PCED1B: variants seen among roughly 807,000 people sequenced by gnomAD.
PCED1B encodes the protein PC-esterase domain-containing protein 1B.
For synonymous variants in PCED1B, 251 were observed against 246.1 expected, an observed-to-expected ratio of 1.02 and a Z score of -0.19; for missense variants, 573 against 573.9, an observed-to-expected ratio of 1.00 and a Z score of 0.02.
intron 2 of PCED1B, among the ~76,000 whole-genome samples, chr12:47,181,754 T>C (rs1460827106): frequency 3.9e-5 from 6 of 152,032 alleles, no homozygotes; most frequent in African/African-American, 1.2e-4. Flanking sequence ...TCAGTCTAAT[T>C]TATCTCCTCT....
rs566058091 is a variant in PCED1B at position 47,189,096 on chromosome 12, T to G, written c.-525-27126T>G. Among the ~76,000 whole-genome samples the G allele has an allele frequency of 5.9e-5, 9 of 152,324 alleles. No individual in the cohort carries two copies. In the South Asian group the frequency reaches 1.9e-3, roughly 32 times the overall value. Reference sequence around the variant, plus strand: ...TTGCTGTTCTTTTTCATTTCCTCTATCTTACATTTTGATTGTTTTTTATCT... The same window carrying G: ...TTGCTGTTCTTTTTCATTTCCTCTAGCTTACATTTTGATTGTTTTTTATCT... On this transcript the variant is annotated intron_variant, in intron 2 of 3. Coordinates refer to ENST00000546455, the MANE Select transcript of PCED1B (RefSeq NM_138371.3).
intron 2 of PCED1B, among the ~76,000 whole-genome samples, chr12:47,154,321 A>G (rs889076551): frequency 2.6e-5 from 4 of 152,186 alleles, no homozygotes; most frequent in African/African-American, 9.7e-5. Flanking sequence ...GAGCACTACG[A>G]AAACACTCAT....
intron 2 of PCED1B, among the ~76,000 whole-genome samples, chr12:47,137,890 C>A (rs1940447628): frequency 6.6e-6 from 1 of 152,022 alleles, no homozygotes; most frequent in African/African-American, 2.4e-5. Context: ...AGGTGTGAGC[C>A]ATTTTAGGGA....
At position 47,117,333 on chromosome 12, in the gene PCED1B, G is replaced by C. The variant is rs1175522043; in HGVS notation, c.-526+13138G>C. 2.0e-5 allele frequency among the ~76,000 whole-genome samples: 3 copies of C among 152,096 alleles called. No homozygotes were observed. In the East Asian group the frequency reaches 5.8e-4, roughly 29 times the overall value. On this transcript the variant is annotated intron_variant, in intron 2 of 3. Coordinates refer to ENST00000546455, the MANE Select transcript of PCED1B (RefSeq NM_138371.3). ...ATTTACATTAGGTGTATCTCCTAAT[G>C]CTATCCCTCCCCCCTACCTCCACCC...
At position 47,166,871 on chromosome 12, in the gene PCED1B, A is replaced by G. The variant is rs1230946443; in HGVS notation, c.-525-49351A>G. Among the ~76,000 whole-genome samples the G allele has an allele frequency of 2.0e-5, 3 of 152,232 alleles. No homozygotes were observed. In the East Asian group the frequency reaches 5.8e-4, roughly 29 times the overall value. ...AATAACAGACAGATTAACAAGAGAA[A>G]AAAACAGTTTTAATTATGTACATAG... On this transcript the variant is annotated intron_variant, in intron 2 of 3. Coordinates refer to ENST00000546455, the MANE Select transcript of PCED1B (RefSeq NM_138371.3).
chr12:47,087,462 G>A (rs1938043880), intron 1 of PCED1B, among the ~76,000 whole-genome samples: 1 of 152,110 alleles, frequency 6.6e-6, no homozygotes, highest in East Asian at 1.9e-4. Context: ...GAGTAGCAAG[G>A]TCAGCCATAA....
chr12:47,113,178 G>T (rs1017881316), intron 2 of PCED1B, among the ~76,000 whole-genome samples: 3 of 152,186 alleles, frequency 2.0e-5, no homozygotes, highest in Non-Finnish European at 4.4e-5. Context: ...TAAAGAAGTA[G>T]GGGAGAGGAT....
chr12:47,162,708 C>T (rs1941426008), intron 2 of PCED1B, among the ~76,000 whole-genome samples: 1 of 152,156 alleles, frequency 6.6e-6, no homozygotes, highest in Non-Finnish European at 1.5e-5. Flanking sequence ...CTTATGGTAA[C>T]TCATAGAACA....
At chr12:47,097,058 C>G (rs1938510413) in intron 1 of PCED1B, among the ~76,000 whole-genome samples, 1 of 152,090 alleles carries the variant, frequency 6.6e-6, no homozygotes, top group Non-Finnish European at 1.5e-5. Flanking sequence ...TCAGTTGATT[C>G]CCTTAATAAC....
rs529047978 is a variant in PCED1B at position 47,156,659 on chromosome 12, C to T, written c.-526+52464C>T. Among the ~76,000 whole-genome samples the T allele has an allele frequency of 3.3e-5, 5 of 152,146 alleles. No individual in the cohort carries two copies. The South Asian group carries it at 1.0e-3, about 32-fold the overall frequency. On this transcript the variant is annotated intron_variant, in intron 2 of 3. Coordinates refer to ENST00000546455, the MANE Select transcript of PCED1B (RefSeq NM_138371.3). ...CTGTTCTGTGACCATACCACCTCCT[C>T]CAGGAAGCCTTAAGCATCCTTTCCT...
At chr12:47,186,716 C>G (rs975804663) in intron 2 of PCED1B, among the ~76,000 whole-genome samples, 7 of 152,264 alleles carry the variant, frequency 4.6e-5, no homozygotes, top group East Asian at 1.9e-4. Context: ...GAGCATGGCC[C>G]TGCTGACACC....
intron 2 of PCED1B, among the ~76,000 whole-genome samples, chr12:47,182,535 G>A (rs561685742): frequency 2.0e-5 from 3 of 151,524 alleles, no homozygotes; most frequent in African/African-American, 7.3e-5. Flanking sequence ...AGATTGCAGT[G>A]AGCCGAGATC....
chr12:47,147,600 A>G (rs1001947341), intron 2 of PCED1B, among the ~76,000 whole-genome samples: 1 of 151,878 alleles, frequency 6.6e-6, no homozygotes, highest in Non-Finnish European at 1.5e-5. Flanking sequence ...TCCATATTCT[A>G]TTTACCATCC....
In PCED1B at chr12:47,110,733, T is replaced by A. The variant is rs898573830; in HGVS notation, c.-526+6538T>A. ...AAAGGTATGAGGTTCCCTGAGAAGC[T>A]GCTTTGATCATGCAAACATGAGCTT... On this transcript the variant is annotated intron_variant, in intron 2 of 3. Transcript: ENST00000546455. Among the ~76,000 whole-genome samples, 5 of 152,252 alleles carry A rather than the reference T, an allele frequency of 3.3e-5. No homozygotes were observed. In the East Asian group the frequency reaches 9.6e-4, roughly 29 times the overall value.
chr12:47,225,251 G>T (rs1343010150), intron 3 of PCED1B, among the ~76,000 whole-genome samples: 1 of 152,048 alleles, frequency 6.6e-6, no homozygotes, highest in African/African-American at 2.4e-5. Context: ...TTTTTCTATT[G>T]CATTATTTAC....
intron 2 of PCED1B, among the ~76,000 whole-genome samples, chr12:47,172,768 C>A (rs1941793342): frequency 6.6e-6 from 1 of 152,180 alleles, no homozygotes; most frequent in East Asian, 1.9e-4. Context: ...GACAGAACCT[C>A]TCTTCCTTTC....
At chr12:47,096,866 G>A (rs1048752528) in intron 1 of PCED1B, among the ~76,000 whole-genome samples, 3 of 152,158 alleles carry the variant, frequency 2.0e-5, no homozygotes, top group African/African-American at 7.2e-5. Flanking sequence ...AAATATATTT[G>A]AGATGGAATT....
intron 2 of PCED1B, among the ~76,000 whole-genome samples, chr12:47,189,899 C>G (rs1369947925): frequency 6.6e-6 from 1 of 152,194 alleles, no homozygotes; most frequent in African/African-American, 2.4e-5. Context: ...ATAACTTCTG[C>G]TGCTCCAGGC....
intron 2 of PCED1B, among the ~76,000 whole-genome samples, chr12:47,119,202 A>G (rs1939566391): frequency 6.6e-6 from 1 of 152,214 alleles, no homozygotes; most frequent in Admixed American, 6.5e-5. Context: ...AATAAAATAA[A>G]TAAATATATT....
Sources: allele counts gnomAD v4.1 joint callset (sites outside exome capture counted in the v4.1 genomes callset), GRCh38; gene constraint gnomAD v4.1.1; transcripts MANE v1.5; gene names NCBI Gene and HGNC (gene_info 2026-07-23, HGNC 2026-07-21).